LRRTM4: variants seen among roughly 807,000 people sequenced by gnomAD.
The protein encoded by LRRTM4 is leucine rich repeat transmembrane neuronal 4.
Under a neutral mutation model 47.6 loss-of-function variants are expected in LRRTM4, and 25 were observed. That is an observed-to-expected ratio of 0.53 (90% confidence interval 0.38 to 0.73). The LOEUF (loss-of-function observed/expected upper bound fraction) is 0.73. Among genes scored for constraint, LRRTM4 ranks in the 30% least tolerant of loss-of-function variants. LRRTM4 has a pLI of 0.00. For missense variants in LRRTM4, 638 were observed against 713.4 expected, an observed-to-expected ratio of 0.89 and a Z score of 1.20; for synonymous variants, 311 against 269.5, an observed-to-expected ratio of 1.15 and a Z score of -1.51.
chr2:77,384,317 G>T (rs777461889), intron 3 of LRRTM4, among the ~76,000 whole-genome samples: 1 of 151,486 alleles, frequency 6.6e-6, no homozygotes, highest in South Asian at 2.1e-4. Flanking sequence ...GTTTCAATTT[G>T]AATTTCAGTA....
In LRRTM4 at chr2:77,036,424, T is replaced by C. The variant is rs745900748; in HGVS notation, c.1552-287508A>G. Among the ~76,000 whole-genome samples the C allele has an allele frequency of 1.2e-3, 181 of 151,778 alleles. 5 individuals carry two copies. The highest frequency in any genetic ancestry group is 9.0e-4 in the Non-Finnish European group (61 of 67,758). On this transcript the variant is annotated intron_variant, in intron 3 of 3. Coordinates refer to ENST00000409884, the MANE Select transcript of LRRTM4 (RefSeq NM_001134745.3). ...TATTAATTTTTCTGGCAAACAAGGC[T>C]GTCTTAGAAATTCTACTTTAAGGAT...
chr2:77,510,742 TTA>T (rs1027751927), intron 3 of LRRTM4, among the ~76,000 whole-genome samples: 32 of 152,002 alleles, frequency 2.1e-4, no homozygotes, highest in Non-Finnish European at 3.5e-4. Context: ...CATGTTTATC[TTA>T]GTTTGTCTGC....
chr2:76,782,630 G>C (rs956336832), intron 3 of LRRTM4, among the ~76,000 whole-genome samples: 5 of 152,022 alleles, frequency 3.3e-5, no homozygotes, highest in African/African-American at 9.7e-5. Context: ...TGCCCTGCAC[G>C]GGTCTGTGCT....
chr2:76,854,434 C>A (rs1161094280), intron 3 of LRRTM4, among the ~76,000 whole-genome samples: 2 of 151,936 alleles, frequency 1.3e-5, no homozygotes, highest in Non-Finnish European at 2.9e-5. Context: ...AAGTAACATG[C>A]ACAATGACCA....
chr2:76,930,622 G>A (rs1156474533), intron 3 of LRRTM4, among the ~76,000 whole-genome samples: 1 of 152,040 alleles, frequency 6.6e-6, no homozygotes, highest in Non-Finnish European at 1.5e-5. Context: ...CATGTTGTGT[G>A]ACATATGGAG....
intron 3 of LRRTM4, among the ~76,000 whole-genome samples, chr2:76,967,409 T>C (rs971835618): frequency 6.6e-6 from 1 of 151,200 alleles, no homozygotes; most frequent in Admixed American, 6.6e-5. Context: ...AGTAGATCTT[T>C]CTGTGTTGCA....
Position 77,253,592 on chromosome 2 carries a change from T to G in LRRTM4, c.1551+264726A>C, listed in dbSNP as rs573261699. ...GAAAAATCTCAACTTGAAAAGGAAA[T>G]GACAACTAACAGATGCCAACAATGA... On this transcript the variant is annotated intron_variant, in intron 3 of 3. Coordinates refer to ENST00000409884, the MANE Select transcript of LRRTM4 (RefSeq NM_001134745.3). 4.6e-5 allele frequency among the ~76,000 whole-genome samples: 7 copies of G among 152,204 alleles called. No individual in the cohort carries two copies. The East Asian group carries it at 9.7e-4, about 21-fold the overall frequency.
chr2:77,114,334 C>A (rs182262148), intron 3 of LRRTM4, among the ~76,000 whole-genome samples: 2 of 152,146 alleles, frequency 1.3e-5, no homozygotes, highest in Admixed American at 6.5e-5. Context: ...GCCCTGAATA[C>A]GGTAACATAT....
At chr2:76,908,591 AC>A (rs1024668054) in intron 3 of LRRTM4, among the ~76,000 whole-genome samples, 4 of 151,926 alleles carry the variant, frequency 2.6e-5, no homozygotes, top group African/African-American at 9.7e-5. Flanking sequence ...TATCTAGAAA[AC>A]CCCATTGTCT....
intron 3 of LRRTM4, among the ~76,000 whole-genome samples, chr2:76,904,127 T>C (rs1189555521): frequency 6.6e-6 from 1 of 152,180 alleles, no homozygotes; most frequent in African/African-American, 2.4e-5. Flanking sequence ...CTTCTCAGGG[T>C]TCATGAAGCA....
chr2:77,186,100 AATATC>A (rs1673498300), intron 3 of LRRTM4, among the ~76,000 whole-genome samples: 1 of 152,134 alleles, frequency 6.6e-6, no homozygotes, highest in South Asian at 2.1e-4. Context: ...TTTCATCTTT[AATATC>A]ATATCCACTT....
At chr2:77,098,713 TAA>T (rs1670873795) in intron 3 of LRRTM4, among the ~76,000 whole-genome samples, 3 of 151,512 alleles carry the variant, frequency 2.0e-5, no homozygotes, top group African/African-American at 7.3e-5. Flanking sequence ...TACAAATCAC[TAA>T]GAGATATAAT....
chr2:76,846,570 A>G (rs1671843705), intron 3 of LRRTM4, among the ~76,000 whole-genome samples: 1 of 152,148 alleles, frequency 6.6e-6, no homozygotes, highest in African/African-American at 2.4e-5. Flanking sequence ...GCTATCTAAT[A>G]ATTTTATATC....
At chr2:77,062,832 CA>C (rs1354833026) in intron 3 of LRRTM4, among the ~76,000 whole-genome samples, 1 of 152,130 alleles carries the variant, frequency 6.6e-6, no homozygotes, top group Non-Finnish European at 1.5e-5. Context: ...TTCTGCAGTA[CA>C]GATGCAGGAT....
At chr2:77,049,118 T>TA (rs1679331067) in intron 3 of LRRTM4, among the ~76,000 whole-genome samples, 1 of 83,308 alleles carries the variant, frequency 1.2e-5, no homozygotes, top group African/African-American at 6.9e-5. Context: ...TAATATTTCA[T>TA]TTTTTATATA....
chr2:76,871,808 G>A (rs768464085), intron 3 of LRRTM4, among the ~76,000 whole-genome samples: 2 of 152,096 alleles, frequency 1.3e-5, no homozygotes, highest in African/African-American at 4.8e-5. Context: ...CTGCCCTATG[G>A]AAGAGCCCAC....
At position 77,518,794 on chromosome 2, in the gene LRRTM4, T is replaced by C; in HGVS notation, c.1075A>G (p.Ile359Val). The C allele has an allele frequency of 6.2e-7, 1 of 1,612,656 alleles. No homozygotes were observed. Among genetic ancestry groups the C allele is most frequent in the Non-Finnish European group, 8.5e-7 (1 of 1,179,280 alleles). ...TTGACCACCTGGACTTCAGAACAGA[T>C]ATTATATGTTTCCACTGCATCACTA... is the stretch of plus-strand genomic sequence containing the variant. ...KVSDAVETYN[I>V]CSEVQVVNTE... The change falls in exon 3 of 4, where the codon ATC becomes GTC. Residue 359 changes from isoleucine (I) to valine (V), a missense_variant. Ile to Val is a conservative substitution (Grantham distance 29). Transcript: ENST00000409884.
intron 3 of LRRTM4, among the ~76,000 whole-genome samples, chr2:76,947,063 T>C (rs2103876713): frequency 6.6e-6 from 1 of 152,016 alleles, no homozygotes. Context: ...TCAGTTCCTG[T>C]TCTTGAAATT....
At chr2:77,491,032 A>G (rs1378818673) in intron 3 of LRRTM4, among the ~76,000 whole-genome samples, 2 of 152,158 alleles carry the variant, frequency 1.3e-5, no homozygotes, top group Non-Finnish European at 2.9e-5. Flanking sequence ...TGAGAATGTA[A>G]GTTGCCATAA....
Sources: allele counts gnomAD v4.1 joint callset (sites outside exome capture counted in the v4.1 genomes callset), GRCh38; gene constraint gnomAD v4.1.1; transcripts MANE v1.5; gene names NCBI Gene and HGNC (gene_info 2026-07-23, HGNC 2026-07-21).